ARID1B: variants seen among roughly 807,000 people sequenced by gnomAD.
The protein encoded by ARID1B is AT-rich interaction domain 1B.
Under a neutral mutation model 212.3 loss-of-function variants are expected in ARID1B, and 30 were observed. That is an observed-to-expected ratio of 0.14 (90% CI 0.11 to 0.19). ARID1B has a LOEUF of 0.19. Ranked by LOEUF, ARID1B falls within the 10% of genes least tolerant of loss-of-function variation. The pLI is 1.00. For missense variants in ARID1B, 2,891 were observed against 3,204.0 expected, an observed-to-expected ratio of 0.90 and a Z score of 2.36; for synonymous variants, 1,402 against 1,301.7, an observed-to-expected ratio of 1.08 and a Z score of -1.66.
rs371246589 is a variant in ARID1B, at chr6:157,179,189, A to C, written c.3505-1780A>C. ...GTGTAACTCCCCAAAGAAGAAAAAA[A>C]CTCTATACTAAAATTTAGAAACCTC... On this transcript the variant is annotated intron_variant, in intron 11 of 19. Transcript: ENST00000636930. Among the ~76,000 whole-genome samples, 120 of 152,234 alleles carry C rather than the reference A, an allele frequency of 7.9e-4. 3 individuals are homozygous for C. In the East Asian group the frequency reaches 0.017, roughly 22 times the overall value.
Position 156,893,045 on chromosome 6 carries a change from C to CTTTTTTTTTTTTTTT in ARID1B, c.1987-8330_1987-8316dup, listed in dbSNP as rs567719662. Among the ~76,000 whole-genome samples, 45 of 85,914 alleles carry CTTTTTTTTTTTTTTT rather than the reference C, an allele frequency of 5.2e-4. 2 individuals are homozygous for CTTTTTTTTTTTTTTT. The highest frequency in any genetic ancestry group is 2.1e-3 in the African/African-American group (44 of 21,316). 56.4% of individuals were successfully genotyped at this position (85,914 alleles called of 152,430 possible). On this transcript the variant is annotated intron_variant, in intron 2 of 19. Coordinates refer to ENST00000636930, the MANE Select transcript of ARID1B (RefSeq NM_001374828.1). Reference sequence around the variant, plus strand: ...AACTCTTTTTTTTTCTTTTTTCTTCCTTTTTTTTTTTTTTTGAGATGGAGT... The same window carrying CTTTTTTTTTTTTTTT: ...AACTCTTTTTTTTTCTTTTTTCTTCCTTTTTTTTTTTTTTTTTTTTTTTTTTTTTTGAGATGGAGT...
intron 5 of ARID1B, among the ~76,000 whole-genome samples, chr6:157,104,422 CAATT>C (rs1415289705): frequency 8.5e-5 from 13 of 152,202 alleles, no homozygotes; most frequent in African/African-American, 2.6e-4. Context: ...CAAGAGAACT[CAATT>C]AAAGGCATAA....
intron 4 of ARID1B, among the ~76,000 whole-genome samples, chr6:157,083,402 C>T (rs776251315): frequency 1.5e-4 from 23 of 152,152 alleles, no homozygotes; most frequent in Non-Finnish European, 3.1e-4. Flanking sequence ...GTCATTGCAA[C>T]GGGGATGCAC....
intron 3 of ARID1B, among the ~76,000 whole-genome samples, chr6:156,926,654 C>T (rs2128248608): frequency 6.6e-6 from 1 of 152,252 alleles, no homozygotes; most frequent in East Asian, 1.9e-4. Context: ...CCCCGTATCC[C>T]CTGTCCCTTT....
chr6:156,912,593 C>T (rs903839843), intron 3 of ARID1B, among the ~76,000 whole-genome samples: 1 of 152,174 alleles, frequency 6.6e-6, no homozygotes, highest in African/African-American at 2.4e-5. Context: ...ACCCAAAAGG[C>T]TTAAGCCCTG....
rs10560265 is a variant in ARID1B at position 156,921,438 on chromosome 6, AACACACACACACACACACACACAC to A, written c.2137-13996_2137-13973del. On this transcript the variant is annotated intron_variant, in intron 3 of 19. Coordinates refer to ENST00000636930, the MANE Select transcript of ARID1B (RefSeq NM_001374828.1). Reference sequence around the variant, plus strand: ...CTACAGTAATAGCACTTGATGGGAAAACACACACACACACACACACACACACACACACACACACACACACACACA... The same window carrying A: ...CTACAGTAATAGCACTTGATGGGAAAACACACACACACACACACACACACA... Among the ~76,000 whole-genome samples, 603 of 136,000 alleles carry A rather than the reference AACACACACACACACACACACACAC, an allele frequency of 4.4e-3. 4 individuals are homozygous for A. The highest frequency in any genetic ancestry group is 0.014 in the African/African-American group (512 of 35,712). 89.2% of individuals were successfully genotyped at this position (136,000 alleles called of 152,430 possible).
rs576239878 is a variant in ARID1B, at chr6:156,956,999, ACT to A, written c.2247+21427_2247+21428del. Among the ~76,000 whole-genome samples, 1,416 of 152,272 alleles carry A rather than the reference ACT, an allele frequency of 9.3e-3. 12 individuals carry two copies. Among genetic ancestry groups the A allele is most frequent in the Non-Finnish European group, 0.016 (1,061 of 68,012 alleles). ...GTGAAAATAACAATGTTAGGTTAAG[ACT>A]CTCAAATTCTTGGCATGTAAGTTAT... On this transcript the variant is annotated intron_variant, in intron 4 of 19. Transcript: ENST00000636930.
At position 157,207,506 on chromosome 6, in the gene ARID1B, G is replaced by C; in HGVS notation, c.6734G>C (p.Arg2245Pro). ...ACATTAGTTAGGTACGTTGGGGATCGCAAAAACCCAGTCTGTCGAGAAATG... is the reference window on the plus strand; with the variant it reads ...ACATTAGTTAGGTACGTTGGGGATCCCAAAAACCCAGTCTGTCGAGAAATG... ...YATLVRYVGD[R>P]KNPVCREMSM... The change falls in exon 20 of 20, where the codon CGC becomes CCC. Residue 2245 changes from arginine to proline, a missense_variant. This residue lies in a region of ARID1B where 187 missense variants were observed against 306.5 expected (regional missense o/e 0.61). Transcript: ENST00000636930. The surrounding 1 kb of genome is among the most constrained non-coding windows in gnomAD (Gnocchi z 8.5). 1 of 1,614,088 alleles carries C rather than the reference G, an allele frequency of 6.2e-7. No individual in the cohort carries two copies. The highest frequency in any genetic ancestry group is 2.2e-5 in the East Asian group (1 of 44,880).
intron 1 of ARID1B, among the ~76,000 whole-genome samples, chr6:156,789,523 G>A (rs1344476180): frequency 6.6e-6 from 1 of 152,230 alleles, no homozygotes; most frequent in East Asian, 1.9e-4. Flanking sequence ...ATGCTACACA[G>A]TAAGGTGTAA....
chr6:157,199,761 T>TCC (rs1793976220), intron 17 of ARID1B, among the ~76,000 whole-genome samples: 1 of 151,984 alleles, frequency 6.6e-6, no homozygotes, highest in South Asian at 2.1e-4. Flanking sequence ...CCTCCTGGGC[T>TCC]CAAGCGATTC....
At chr6:157,154,288 A>G (rs2128650513) in intron 8 of ARID1B, among the ~76,000 whole-genome samples, 1 of 152,330 alleles carries the variant, frequency 6.6e-6, no homozygotes, top group South Asian at 2.1e-4. Context: ...CCTCACATAT[A>G]TAAATTTTGA....
At chr6:157,036,359 C>T (rs944800006) in intron 4 of ARID1B, 1 of 152,934 alleles carries the variant, frequency 6.5e-6, no homozygotes, top group African/African-American at 2.4e-5. Flanking sequence ...GGAACTCTTG[C>T]TCTGCAACAT....
chr6:156,973,872 C>T (rs139630893), intron 4 of ARID1B, among the ~76,000 whole-genome samples: 1 of 152,288 alleles, frequency 6.6e-6, no homozygotes, highest in African/African-American at 2.4e-5. Flanking sequence ...TTTCCTTCTT[C>T]AAAACCTCTT....
At chr6:156,904,844 G>T (rs572440778) in intron 3 of ARID1B, among the ~76,000 whole-genome samples, 94 of 152,258 alleles carry the variant, frequency 6.2e-4, no homozygotes, top group Admixed American at 6.1e-3. Context: ...GTATAAAATT[G>T]CCTTCAGGCC....
At chr6:157,129,480 G>C (rs978242176) in intron 6 of ARID1B, among the ~76,000 whole-genome samples, 1 of 152,154 alleles carries the variant, frequency 6.6e-6, no homozygotes, top group African/African-American at 2.4e-5. Context: ...TAGAAAACAA[G>C]ATTTCAGGAA....
rs17165186 is a variant in ARID1B, at chr6:157,155,009, C to T, written c.3089+6058C>T. ...GAAACCAAATAGTAACGAGTATCTTCGTGGATCTTCCACCTCTTGCATTGA... is the reference window on the plus strand; with the variant it reads ...GAAACCAAATAGTAACGAGTATCTTTGTGGATCTTCCACCTCTTGCATTGA... On this transcript the variant is annotated intron_variant, in intron 8 of 19. Coordinates refer to ENST00000636930, the MANE Select transcript of ARID1B (RefSeq NM_001374828.1). 5.4e-3 allele frequency among the ~76,000 whole-genome samples: 827 copies of T among 152,264 alleles called. 7 individuals carry two copies. The highest frequency in any genetic ancestry group is 0.019 in the African/African-American group (779 of 41,542).
chr6:156,995,941 G>A (rs953140977), intron 4 of ARID1B, among the ~76,000 whole-genome samples: 5 of 152,170 alleles, frequency 3.3e-5, no homozygotes, highest in African/African-American at 4.8e-5. Flanking sequence ...ATTCACTTGA[G>A]TGATGAGAAG....
chr6:156,899,306 G>A (rs1160789081), intron 2 of ARID1B, among the ~76,000 whole-genome samples: 2 of 152,186 alleles, frequency 1.3e-5, no homozygotes, highest in African/African-American at 2.4e-5. Flanking sequence ...CTAGAGTTGA[G>A]CAATCCGTCC....
At chr6:157,126,827 C>T (rs1437767557) in intron 6 of ARID1B, among the ~76,000 whole-genome samples, 1 of 152,040 alleles carries the variant, frequency 6.6e-6, no homozygotes, top group African/African-American at 2.4e-5. Context: ...ATTCAGAAAG[C>T]GTGGTACTCT....
Sources: allele counts gnomAD v4.1 joint callset (sites outside exome capture counted in the v4.1 genomes callset), GRCh38; gene constraint gnomAD v4.1.1; regional missense constraint gnomAD v4.1.1; non-coding constraint Gnocchi (gnomAD v3.1); transcripts MANE v1.5; gene names NCBI Gene and HGNC (gene_info 2026-07-23, HGNC 2026-07-21).